The following NBAS variants were observed in gnomAD, a reference collection of about 807,000 sequenced individuals.
The protein encoded by NBAS is NBAS subunit of NRZ tethering complex.
NBAS carries 219 observed loss-of-function variants against 302.5 expected under a neutral mutation model. The observed-to-expected ratio is 0.72, with a 90% CI of 0.65 to 0.81. The LOEUF (loss-of-function observed/expected upper bound fraction) is 0.81. Among genes scored for constraint, NBAS ranks in the 30% least tolerant of loss-of-function variants. The pLI, the probability that NBAS is intolerant of heterozygous loss-of-function variation, is 0.00. For synonymous variants in NBAS, 1,118 were observed against 1,021.6 expected, an observed-to-expected ratio of 1.09 and a Z score of -1.80; for missense variants, 2,932 against 2,841.6, an observed-to-expected ratio of 1.03 and a Z score of -0.72.
the NBAS span, among the ~76,000 whole-genome samples, chr2:14,873,041 T>C: frequency 6.6e-6 from 1 of 152,228 alleles, no homozygotes; most frequent in Non-Finnish European, 1.5e-5. Flanking sequence ...GGAAGGGGAC[T>C]CTCGGCAGGT....
Position 15,330,634 on chromosome 2 carries a change from C to G in NBAS, c.4311G>C (p.Trp1437Cys), listed in dbSNP as rs368116711. ...GAAGGTAAGTTAAAGACTTCTTCCA[C>G]CACTGCCCATCACTGACGGCCTGCA... ...AVLQAVSDGQ[W>C]WKKSLTYLRP... The change falls in exon 36 of 52, where the codon TGG becomes TGC. Residue 1437 changes from tryptophan (W) to cysteine (C), a missense_variant. Trp to Cys is a radical substitution (Grantham distance 215). Transcript: ENST00000281513. 30 of 1,613,908 alleles carry G rather than the reference C, an allele frequency of 1.9e-5. No individual in the cohort carries two copies. Among genetic ancestry groups the G allele is most frequent in the Non-Finnish European group, 2.4e-5 (28 of 1,179,936 alleles).
intron 29 of NBAS, among the ~76,000 whole-genome samples, chr2:15,381,102 C>G (rs1371832304): frequency 6.6e-6 from 1 of 152,152 alleles, no homozygotes; most frequent in Non-Finnish European, 1.5e-5. Context: ...GTCATAGTTT[C>G]TCCATATTTC....
chr2:15,240,521 G>T (rs11680223), intron 44 of NBAS, among the ~76,000 whole-genome samples: 32,359 of 151,284 alleles, frequency 0.21, 3,988 homozygotes, highest in East Asian at 0.43. Flanking sequence ...GGAGGCTGCG[G>T]CAGGAGAATG....
intron 26 of NBAS, chr2:15,397,384 G>T: frequency 7.0e-6 from 2 of 284,056 alleles, no homozygotes; most frequent in South Asian, 5.6e-5. Flanking sequence ...AATTTCCATT[G>T]TATTTTTCTC....
the NBAS span, among the ~76,000 whole-genome samples, chr2:15,110,833 T>G: frequency 1.3e-5 from 2 of 152,164 alleles, no homozygotes; most frequent in African/African-American, 4.8e-5. Context: ...CTCTTAAATA[T>G]GAGCATAAAT....
At chr2:15,519,586 A>T (rs530911613) in intron 9 of NBAS, among the ~76,000 whole-genome samples, 58 of 152,216 alleles carry the variant, frequency 3.8e-4, no homozygotes, top group Admixed American at 3.5e-3. Context: ...ATACAGGCAC[A>T]TGCATGCCTG....
At chr2:15,034,015 GAAGAAGAAGAA>G in the NBAS span, among the ~76,000 whole-genome samples, 536 of 50,828 alleles carry the variant, frequency 0.011, 17 homozygotes, top group African/African-American at 0.039. Context: ...AGAAGAAGAA[GAAGAAGAAGAA>G]GAGGAGGAGG....
At chr2:15,151,245 A>G in the NBAS span, among the ~76,000 whole-genome samples, 1 of 152,212 alleles carries the variant, frequency 6.6e-6, no homozygotes, top group Non-Finnish European at 1.5e-5. Context: ...CAAGGGGCCA[A>G]TTTGGATTAG....
At chr2:15,451,341 G>A (rs1043767404) in intron 21 of NBAS, among the ~76,000 whole-genome samples, 14 of 152,192 alleles carry the variant, frequency 9.2e-5, no homozygotes, top group East Asian at 5.8e-4. Context: ...ATGAGCCACC[G>A]CATCCAGCCA....
At chr2:14,824,836 A>T in the NBAS span, among the ~76,000 whole-genome samples, 6 of 152,022 alleles carry the variant, frequency 3.9e-5, no homozygotes, top group East Asian at 3.9e-4. Flanking sequence ...CTAGAAGGAG[A>T]TGTTTAGAAT....
At chr2:14,783,727 A>C in the NBAS span, among the ~76,000 whole-genome samples, 2 of 151,836 alleles carry the variant, frequency 1.3e-5, no homozygotes, top group Non-Finnish European at 2.9e-5. Context: ...TCATTGTTGG[A>C]CATTTGGGTT....
chr2:15,359,234 A>G (rs1440888931), intron 32 of NBAS, among the ~76,000 whole-genome samples: 1 of 152,180 alleles, frequency 6.6e-6, no homozygotes, highest in Non-Finnish European at 1.5e-5. Flanking sequence ...GCATCTGTAA[A>G]AAAAATCTTG....
the NBAS span, chr2:14,886,559 TATAG>T: frequency 6.6e-6 from 1 of 152,196 alleles, no homozygotes; most frequent in Non-Finnish European, 1.5e-5. Flanking sequence ...TTGTACCTAG[TATAG>T]GCCTTATAGC....
At chr2:14,791,929 C>G in the NBAS span, among the ~76,000 whole-genome samples, 1 of 152,116 alleles carries the variant, frequency 6.6e-6, no homozygotes, top group Admixed American at 6.5e-5. Flanking sequence ...ATCTTGGTTT[C>G]CATGGGCTCA....
chr2:14,945,778 A>G, the NBAS span, among the ~76,000 whole-genome samples: 2 of 152,144 alleles, frequency 1.3e-5, no homozygotes, highest in African/African-American at 2.4e-5. Flanking sequence ...AATAAAAATC[A>G]CCAACAAGAT....
intron 32 of NBAS, among the ~76,000 whole-genome samples, chr2:15,361,682 A>G (rs1465985305): frequency 2.6e-5 from 4 of 152,188 alleles, no homozygotes; most frequent in African/African-American, 7.2e-5. Context: ...ATTATTTTTA[A>G]TATTTCCAGG....
the NBAS span, among the ~76,000 whole-genome samples, chr2:15,063,516 T>C: frequency 6.6e-6 from 1 of 152,208 alleles, no homozygotes; most frequent in Admixed American, 6.5e-5. Context: ...TAACGTTTTA[T>C]GGACCAAATT....
At chr2:14,943,005 G>A in the NBAS span, among the ~76,000 whole-genome samples, 1 of 152,170 alleles carries the variant, frequency 6.6e-6, no homozygotes, top group African/African-American at 2.4e-5. Flanking sequence ...GAACGCAAAG[G>A]TGGGTCTCCT....
At chr2:15,469,836 G>C (rs1191826336) in intron 16 of NBAS, among the ~76,000 whole-genome samples, 1 of 137,382 alleles carries the variant, frequency 7.3e-6, no homozygotes. Flanking sequence ...GGGGCCTGCT[G>C]GGGGGTGGGG....
Sources: allele counts gnomAD v4.1 joint callset (sites outside exome capture counted in the v4.1 genomes callset), GRCh38; gene constraint gnomAD v4.1.1; transcripts MANE v1.5; gene names NCBI Gene and HGNC (gene_info 2026-07-23, HGNC 2026-07-21).